The following KALRN variants were observed in gnomAD, a reference collection of about 807,000 sequenced individuals.
KALRN encodes kalirin RhoGEF kinase.
In KALRN, 70 loss-of-function variants were observed where a neutral mutation model predicts 353.7. The observed-to-expected ratio is 0.20, with a 90% confidence interval of 0.16 to 0.24. KALRN has a LOEUF of 0.24. Ranked by LOEUF, KALRN falls within the 10% of genes least tolerant of loss-of-function variation. The pLI is 1.00. For synonymous variants in KALRN, 1,391 were observed against 1,434.8 expected (o/e 0.97, Z 0.69); for missense variants, 2,791 against 3,756.7 (o/e 0.74, Z 6.72).
At chr3:124,438,111 G>A (rs573347535) in intron 17 of KALRN, among the ~76,000 whole-genome samples, 37 of 152,224 alleles carry the variant, frequency 2.4e-4, no homozygotes, top group African/African-American at 8.4e-4. Flanking sequence ...TCAATTTTCT[G>A]CATCCTCCTC....
intron 1 of KALRN, among the ~76,000 whole-genome samples, chr3:124,133,867 A>G (rs2065602968): frequency 6.6e-6 from 1 of 152,204 alleles, no homozygotes; most frequent in Non-Finnish European, 1.5e-5. Context: ...TGACTGCTGA[A>G]AGAAATCATA....
At chr3:124,038,776 CA>C (rs1413041816) in intron 1 of KALRN, among the ~76,000 whole-genome samples, 2 of 152,304 alleles carry the variant, frequency 1.3e-5, no homozygotes, top group South Asian at 2.1e-4. Flanking sequence ...TCCAACTCCC[CA>C]AACTAGCTCT....
chr3:124,094,865 T>C (rs2061335415), intron 1 of KALRN: 1 of 1,614,012 alleles, frequency 6.2e-7, no homozygotes, highest in Admixed American at 1.7e-5. Flanking sequence ...GGACCAGTGG[T>C]ATCTCTGGTA....
intron 1 of KALRN, among the ~76,000 whole-genome samples, chr3:124,034,503 C>T (rs2039223368): frequency 1.3e-5 from 2 of 152,158 alleles, no homozygotes; most frequent in Admixed American, 6.5e-5. Flanking sequence ...AGTTAGCGTC[C>T]CTCTCATACA....
At chr3:124,616,350 C>G (rs537850886) in intron 34 of KALRN, among the ~76,000 whole-genome samples, 14 of 152,286 alleles carry the variant, frequency 9.2e-5, no homozygotes, top group African/African-American at 3.1e-4. Flanking sequence ...CCACTGGCTT[C>G]TGGGTATACT....
chr3:124,285,862 C>A (rs2075782569), intron 5 of KALRN, among the ~76,000 whole-genome samples: 1 of 152,128 alleles, frequency 6.6e-6, no homozygotes, highest in South Asian at 2.1e-4. Flanking sequence ...AACTCAGTTT[C>A]TCAGTTTCAC....
intron 10 of KALRN, among the ~76,000 whole-genome samples, chr3:124,354,675 G>C (rs1034001402): frequency 2.0e-5 from 3 of 152,166 alleles, no homozygotes; most frequent in Admixed American, 1.3e-4. Context: ...CCAACAAAAG[G>C]CATGTGTAAC....
At chr3:124,506,984 AG>A (rs1286332707) in intron 33 of KALRN, among the ~76,000 whole-genome samples, 2 of 152,258 alleles carry the variant, frequency 1.3e-5, no homozygotes, top group African/African-American at 4.8e-5. Context: ...ATGGCAATGA[AG>A]AAAGCACACA....
At chr3:124,492,605 T>C (rs1561124375) in intron 31 of KALRN, 135 bp from the exon 32 acceptor site, 3 of 899,112 alleles carry the variant, frequency 3.3e-6, no homozygotes, top group Non-Finnish European at 3.3e-6. Context: ...GTCATAAGTA[T>C]GAAATGAGAA....
intron 51 of KALRN, among the ~76,000 whole-genome samples, chr3:124,692,822 C>A (rs1315369434): frequency 6.6e-6 from 1 of 152,198 alleles, no homozygotes; most frequent in Non-Finnish European, 1.5e-5. Context: ...TCACATTAAA[C>A]AAAACAGATG....
intron 24 of KALRN, 80 bp downstream of exon 24, chr3:124,462,036 G>T: frequency 1.0e-6 from 1 of 1,003,902 alleles, no homozygotes. Flanking sequence ...ATTGGAATTT[G>T]GTGCTATTGG....
intron 6 of KALRN, among the ~76,000 whole-genome samples, chr3:124,310,002 T>C (rs1208333442): frequency 6.6e-6 from 1 of 152,136 alleles, no homozygotes; most frequent in East Asian, 1.9e-4. Context: ...GACACAAGCA[T>C]GTATATGAAA....
rs537268617 is a variant in KALRN, at chr3:124,117,141, A to C, written c.73+83328A>C. ...TTGAATTGGGGAAGTGGCAGATGGA[A>C]GATCAAGTGGCAGATGGAAGGTCAG... On this transcript the variant is annotated intron_variant, in intron 1 of 59. Transcript: ENST00000682506. Among the ~76,000 whole-genome samples the C allele has an allele frequency of 5.3e-5, 8 of 152,262 alleles. No homozygotes were observed. The South Asian group carries it at 1.7e-3, about 32-fold the overall frequency.
At chr3:124,566,958 T>G (rs1366580790) in intron 34 of KALRN, among the ~76,000 whole-genome samples, 1 of 152,138 alleles carries the variant, frequency 6.6e-6, no homozygotes, top group Non-Finnish European at 1.5e-5. Context: ...AAGCAGGGAC[T>G]ATGTGTGAGG....
chr3:124,159,969 C>A (rs78731951), intron 1 of KALRN, among the ~76,000 whole-genome samples: 1 of 151,552 alleles, frequency 6.6e-6, no homozygotes, highest in Non-Finnish European at 1.5e-5. Context: ...GATGAAAAAA[C>A]GAAAACGAAA....
intron 1 of KALRN, among the ~76,000 whole-genome samples, chr3:124,087,891 C>T (rs1343433254): frequency 6.6e-6 from 1 of 152,128 alleles, no homozygotes; most frequent in East Asian, 1.9e-4. Flanking sequence ...TTAGGTGATA[C>T]AGTTCAAGAG....
At chr3:124,694,554 C>T (rs773106749) in intron 53 of KALRN, 51 bp downstream of exon 53, 3 of 1,549,544 alleles carry the variant, frequency 1.9e-6, no homozygotes, top group Middle Eastern at 1.7e-4. Flanking sequence ...CTTGACACAG[C>T]ACTGAGAGGC....
intron 4 of KALRN, chr3:124,268,532 C>T (rs1307273722): frequency 1.7e-6 from 1 of 584,428 alleles, no homozygotes; most frequent in African/African-American, 1.9e-5. Flanking sequence ...GTTGTAGAGG[C>T]TTGCTAAAGC....
intron 1 of KALRN, among the ~76,000 whole-genome samples, chr3:124,195,437 T>G (rs138423025): frequency 6.6e-6 from 1 of 152,316 alleles, no homozygotes; most frequent in Admixed American, 6.5e-5. Flanking sequence ...TGGGTCTGAC[T>G]TTCTAAGAGC....
Sources: allele counts gnomAD v4.1 joint callset (sites outside exome capture counted in the v4.1 genomes callset), GRCh38; gene constraint gnomAD v4.1.1; transcripts MANE v1.5; gene names NCBI Gene and HGNC (gene_info 2026-07-23, HGNC 2026-07-21).